Variants in RAPGEF6 observed in about 807,000 individuals in gnomAD.
RAPGEF6 encodes PDZ domain containing guanine nucleotide exchange factor (GEF) 2.
In RAPGEF6, 56 loss-of-function variants were observed where a neutral mutation model predicts 171.4. The observed-to-expected ratio is 0.33, with a 90% confidence interval of 0.26 to 0.41. The LOEUF (loss-of-function observed/expected upper bound fraction) is 0.41. Ranked by LOEUF, RAPGEF6 falls within the 10% of genes least tolerant of loss-of-function variation. The probability of loss-of-function intolerance (pLI) is 1.00; values close to 1 mark genes in which losing one functional copy is unlikely to be tolerated. For missense variants in RAPGEF6, 1,674 were observed against 1,921.4 expected, an observed-to-expected ratio of 0.87 and a Z score of 2.41; for synonymous variants, 692 against 650.1, an observed-to-expected ratio of 1.06 and a Z score of -0.98.
chr5:131,588,353 C>T (rs1330154312), intron 4 of RAPGEF6, among the ~76,000 whole-genome samples: 2 of 152,154 alleles, frequency 1.3e-5, no homozygotes, highest in Non-Finnish European at 2.9e-5. Context: ...GGTTACTGCA[C>T]AAAATGTAGG....
chr5:131,564,385 G>A (rs922708232), intron 4 of RAPGEF6, among the ~76,000 whole-genome samples: 1 of 152,158 alleles, frequency 6.6e-6, no homozygotes, highest in African/African-American at 2.4e-5. Flanking sequence ...AATACATGGG[G>A]TACTAGGTAG....
chr5:131,601,261 T>A (rs1030779934), intron 3 of RAPGEF6, among the ~76,000 whole-genome samples: 1 of 151,470 alleles, frequency 6.6e-6, no homozygotes, highest in African/African-American at 2.4e-5. Context: ...GGCGGGCGCC[T>A]GTAATCCCAG....
intron 15 of RAPGEF6, among the ~76,000 whole-genome samples, chr5:131,488,643 CCCA>C (rs1294883450): frequency 6.6e-6 from 1 of 152,024 alleles, no homozygotes; most frequent in African/African-American, 2.4e-5. Context: ...GAGGAAAAAC[CCCA>C]CGTTTCATTT....
chr5:131,526,273 T>C (rs145156076), intron 6 of RAPGEF6, among the ~76,000 whole-genome samples: 90 of 152,314 alleles, frequency 5.9e-4, no homozygotes, highest in African/African-American at 2.0e-3. Flanking sequence ...AACATTTGAG[T>C]GCCCACCATT....
At chr5:131,607,772 TG>T (rs542477198) in intron 1 of RAPGEF6, among the ~76,000 whole-genome samples, 6 of 152,236 alleles carry the variant, frequency 3.9e-5, no homozygotes, top group African/African-American at 1.4e-4. Flanking sequence ...GCCATTTCAG[TG>T]AAGTTTTTCG....
At chr5:131,515,358 G>A (rs775140321) in intron 7 of RAPGEF6, among the ~76,000 whole-genome samples, 11 of 152,120 alleles carry the variant, frequency 7.2e-5, no homozygotes, top group Non-Finnish European at 4.4e-5. Context: ...TCTACAACAC[G>A]GCAGGCAGGC....
chr5:131,575,275 C>T (rs1762539162), intron 4 of RAPGEF6, among the ~76,000 whole-genome samples: 1 of 152,196 alleles, frequency 6.6e-6, no homozygotes, highest in South Asian at 2.1e-4. Context: ...AGCTCTTTCT[C>T]ATGATCTACT....
chr5:131,594,719 C>T (rs1004233472), intron 3 of RAPGEF6, among the ~76,000 whole-genome samples: 1 of 152,228 alleles, frequency 6.6e-6, no homozygotes, highest in Non-Finnish European at 1.5e-5. Context: ...GGGAGCCCAC[C>T]ACTTGCCTCA....
chr5:131,464,357 C>CA, intron 17 of RAPGEF6, 76 bp from the exon 18 acceptor site: 1 of 1,091,868 alleles, frequency 9.2e-7, no homozygotes. Context: ...CAACGTGAAA[C>CA]ACAGTGATCC....
chr5:131,604,024 AACC>A (rs751597335), intron 2 of RAPGEF6, among the ~76,000 whole-genome samples: 54 of 152,244 alleles, frequency 3.5e-4, no homozygotes, highest in Non-Finnish European at 5.4e-4. Context: ...GATATATGAT[AACC>A]AGGACAGATA....
intron 7 of RAPGEF6, among the ~76,000 whole-genome samples, chr5:131,520,494 T>C (rs1443958833): frequency 2.6e-5 from 4 of 152,238 alleles, no homozygotes; most frequent in Admixed American, 1.3e-4. Flanking sequence ...TTTTTTAATG[T>C]GGCTACTAGA....
intron 18 of RAPGEF6, among the ~76,000 whole-genome samples, chr5:131,462,297 G>A (rs921391375): frequency 6.6e-6 from 1 of 152,162 alleles, no homozygotes; most frequent in African/African-American, 2.4e-5. Context: ...ATCTATTAAA[G>A]AGTAAAAATA....
Position 131,510,391 on chromosome 5 carries a change from G to C in RAPGEF6, c.728C>G (p.Thr243Arg), listed in dbSNP as rs887470858. ...DEEEDEEIDR[T>R]DPLQGRDLVR... ...AAGATCTCGCCCCTGCAATGGATCT[G>C]TTCGATCAATCTCTTCATCTTCCTC... The change falls in exon 8 of 28, where the codon ACA (threonine) becomes AGA (arginine). Residue 243 changes from threonine (T) to arginine (R), a missense_variant. Physicochemically the swap from Thr to Arg is moderately conservative, Grantham distance 71 (BLOSUM62 -1). Coordinates refer to ENST00000509018, the MANE Select transcript of RAPGEF6 (RefSeq NM_016340.6). 1 of 1,614,110 alleles carries C rather than the reference G, an allele frequency of 6.2e-7. No individual in the cohort carries two copies. The highest frequency in any genetic ancestry group is 8.5e-7 in the Non-Finnish European group (1 of 1,180,010).
At chr5:131,428,480 G>A (rs1751502508) in intron 27 of RAPGEF6, among the ~76,000 whole-genome samples, 2 of 149,276 alleles carry the variant, frequency 1.3e-5, no homozygotes, top group Non-Finnish European at 3.0e-5. Context: ...TTTTTTTGGA[G>A]ACAGAGTTTT....
At chr5:131,433,342 G>A in intron 25 of RAPGEF6, 88 bp downstream of exon 25, 3 of 1,109,950 alleles carry the variant, frequency 2.7e-6, no homozygotes, top group Non-Finnish European at 4.1e-6. Context: ...ATTACCCCAT[G>A]GGAGGTCCAA....
In RAPGEF6 at chr5:131,543,231, A is replaced by G. The variant is rs1760272575; in HGVS notation, c.495+4816T>C. Among the ~76,000 whole-genome samples the G allele has an allele frequency of 2.0e-5, 3 of 152,286 alleles. No homozygotes were observed. The South Asian group carries it at 6.2e-4, about 32-fold the overall frequency. On this transcript the variant is annotated intron_variant, in intron 6 of 27. Transcript: ENST00000509018. ...ATGGACTAGTTAGTGGCAAGGGTATAGGGGAGGATGTAGAAAGCAGGGCTA... is the reference window on the plus strand; with the variant it reads ...ATGGACTAGTTAGTGGCAAGGGTATGGGGGAGGATGTAGAAAGCAGGGCTA...
intron 1 of RAPGEF6, among the ~76,000 whole-genome samples, chr5:131,633,140 T>A (rs1766419232): frequency 6.6e-6 from 1 of 151,854 alleles, no homozygotes; most frequent in Non-Finnish European, 1.5e-5. Context: ...AAGACAAGCC[T>A]GGCCAACATG....
chr5:131,498,998 A>G (rs1756831553), intron 11 of RAPGEF6, among the ~76,000 whole-genome samples: 1 of 152,240 alleles, frequency 6.6e-6, no homozygotes, highest in Non-Finnish European at 1.5e-5. Context: ...AAACTAAAGA[A>G]AGAAAGAAAA....
intron 7 of RAPGEF6, among the ~76,000 whole-genome samples, chr5:131,517,997 TAATA>T (rs1758211524): frequency 6.6e-6 from 1 of 152,086 alleles, no homozygotes; most frequent in Admixed American, 6.5e-5. Flanking sequence ...ACGTCCTCCT[TAATA>T]TTTGTTAAAT....
Sources: allele counts gnomAD v4.1 joint callset (sites outside exome capture counted in the v4.1 genomes callset), GRCh38; gene constraint gnomAD v4.1.1; transcripts MANE v1.5; gene names NCBI Gene and HGNC (gene_info 2026-07-23, HGNC 2026-07-21).